Variants in MAX observed in about 807,000 individuals in gnomAD.
The protein encoded by MAX is MYC associated transcriptional regulator X.
A neutral mutation model predicts 22.3 loss-of-function variants in MAX; 3 were observed. That is an observed-to-expected ratio of 0.13 (90% CI 0.06 to 0.35). The LOEUF is 0.35. Ranked by LOEUF, MAX falls within the 10% of genes least tolerant of loss-of-function variation. The pLI is 1.00. For synonymous variants in MAX, 72 were observed against 77.7 expected, an observed-to-expected ratio of 0.93 and a Z score of 0.39; for missense variants, 119 against 209.4, an observed-to-expected ratio of 0.57 and a Z score of 2.66.
intron 2 of MAX, among the ~76,000 whole-genome samples, chr14:65,098,707 A>G (rs1243012026): frequency 2.6e-5 from 4 of 152,234 alleles, no homozygotes; most frequent in Admixed American, 2.0e-4. Flanking sequence ...GATGTACTGA[A>G]TTTAGTAGTA....
intron 3 of MAX, among the ~76,000 whole-genome samples, chr14:65,059,405 C>G (rs940439970): frequency 6.6e-6 from 1 of 151,874 alleles, no homozygotes; most frequent in African/African-American, 2.4e-5. Flanking sequence ...TTTGATACTA[C>G]TTGCCTGAGA....
chr14:65,057,285 C>T (rs1223390606), intron 3 of MAX, among the ~76,000 whole-genome samples: 4 of 151,948 alleles, frequency 2.6e-5, no homozygotes, highest in African/African-American at 9.7e-5. Context: ...GATTTTAGGC[C>T]AGATATGGTG....
intron 2 of MAX, among the ~76,000 whole-genome samples, chr14:65,095,059 C>CA (rs1286532768): frequency 6.6e-6 from 1 of 152,164 alleles, no homozygotes; most frequent in African/African-American, 2.4e-5. Context: ...GATGTACAGA[C>CA]AAAAATCTAT....
rs1168421721 is a variant in MAX, at chr14:65,029,719, G to A, written c.172-23435C>T. ...GTGTTGAAGTGTAGATGGCCTGGTGGGCAGGGGAGCAGTGGAGCTGGAGGG... is the reference window on the plus strand; with the variant it reads ...GTGTTGAAGTGTAGATGGCCTGGTGAGCAGGGGAGCAGTGGAGCTGGAGGG... On this transcript the variant is annotated intron_variant, in intron 3 of 3. Coordinates refer to the MAX transcript ENST00000341653. The surrounding 1 kb of genome is among the most constrained non-coding windows in gnomAD (Gnocchi z 4.7). Among the ~76,000 whole-genome samples, 2 of 150,914 alleles carry A rather than the reference G, an allele frequency of 1.3e-5. No homozygotes were observed. Among genetic ancestry groups the A allele is most frequent in the African/African-American group, 4.9e-5 (2 of 40,936 alleles).
Position 65,032,305 on chromosome 14 carries a change from A to T in MAX, c.172-26021T>A. 1 of 251,016 alleles carries T rather than the reference A, an allele frequency of 4.0e-6. No homozygotes were observed. Among genetic ancestry groups the T allele is most frequent in the Non-Finnish European group, 7.6e-6 (1 of 131,686 alleles). The allele number at this position is 251,016 out of a possible 1,614,324, so 15.5% of individuals were successfully genotyped here. ...AACCATTATAGGTCTTTGAAAGAAG[A>T]GCTGAATCCACTTTTGACATGAATT... On this transcript the variant is annotated intron_variant, in intron 3 of 3. Coordinates refer to the MAX transcript ENST00000341653. This position sits in a 1 kb window ranked among gnomAD's most constrained non-coding sequence, Gnocchi z 5.0.
chr14:65,054,349 C>T lies in MAX; in HGVS notation c.171+39359G>A, dbSNP rs945432018. On this transcript the variant is annotated intron_variant, in intron 3 of 3. Transcript: ENST00000341653. The surrounding 1 kb of genome is among the most constrained non-coding windows in gnomAD (Gnocchi z 4.4). Reference sequence around the variant, plus strand: ...TGGTTTTGAACTCCTGGCCTCAAACCGTTCTCTTGCCTCAGCCTCCTGCTT... The same window carrying T: ...TGGTTTTGAACTCCTGGCCTCAAACTGTTCTCTTGCCTCAGCCTCCTGCTT... Among the ~76,000 whole-genome samples, 1 of 151,760 alleles carries T rather than the reference C, an allele frequency of 6.6e-6. No homozygotes were observed. Among genetic ancestry groups the T allele is most frequent in the African/African-American group, 2.4e-5 (1 of 41,318 alleles).
chr14:65,025,340 T>G (rs2061960418), intron 3 of MAX, among the ~76,000 whole-genome samples: 2 of 152,260 alleles, frequency 1.3e-5, no homozygotes. Flanking sequence ...AATGTGCTGT[T>G]AAGTTTTGTA....
Position 65,064,226 on chromosome 14 carries a change from G to T in MAX, c.171+29482C>A, listed in dbSNP as rs138548259. Among the ~76,000 whole-genome samples, 445 of 152,302 alleles carry T rather than the reference G, an allele frequency of 2.9e-3. 1 individual carries two copies. Among genetic ancestry groups the T allele is most frequent in the African/African-American group, 9.7e-3 (405 of 41,586 alleles). On this transcript the variant is annotated intron_variant, in intron 3 of 3. Transcript: ENST00000341653. The stretch of plus-strand genomic sequence containing the variant: ...TAATATTAGTGTCAAGTGACAAATA[G>T]TAAGGATTGGACCAAGCATTCTAGT...
intron 3 of MAX, among the ~76,000 whole-genome samples, chr14:65,036,390 C>A (rs1430048415): frequency 1.3e-5 from 2 of 151,528 alleles, no homozygotes; most frequent in Non-Finnish European, 2.9e-5. Context: ...GTGTATGCCA[C>A]CACACCTGGC....
At position 65,044,168 on chromosome 14, in the gene MAX, A is replaced by G; in HGVS notation, c.172-37884T>C. On this transcript the variant is annotated intron_variant, in intron 3 of 3. Transcript: ENST00000341653. The surrounding 1 kb of genome is among the most constrained non-coding windows in gnomAD (Gnocchi z 5.5). ...TGGCAGTGTGGGGAGGGAAGGAAAG[A>G]AAACCAGAGCACCAAAACTAGAGTG... 1 of 1,449,752 alleles carries G rather than the reference A, an allele frequency of 6.9e-7. No homozygotes were observed. Among genetic ancestry groups the G allele is most frequent in the East Asian group, 2.3e-5 (1 of 43,638 alleles). 89.8% of individuals were successfully genotyped at this position (1,449,752 alleles called of 1,614,324 possible). A position where few individuals can be genotyped will look rare whatever the true frequency, so the allele number is the denominator to read the frequency against.
At chr14:65,072,169 TGA>T (rs2062994268), downstream of MAX, among the ~76,000 whole-genome samples, 2 of 152,218 alleles carry the variant, frequency 1.3e-5, no homozygotes, top group Non-Finnish European at 2.9e-5. Context: ...TGACCAGGCC[TGA>T]GAGAGACCCT....
chr14:65,078,623 A>G lies in MAX; in HGVS notation c.172-587T>C, dbSNP rs1237416672. 4.0e-5 allele frequency among the ~76,000 whole-genome samples: 6 copies of G among 148,782 alleles called. No homozygotes were observed. The highest frequency in any genetic ancestry group is 1.5e-4 in the African/African-American group (6 of 40,372). The stretch of plus-strand genomic sequence containing the variant: ...CAGCTCACTGCAACCTCCACCTCCC[A>G]GGTTCAAGTGATTCTTCTGCCTCAG... On this transcript the variant is annotated intron_variant, in intron 3 of 4. Transcript: ENST00000358664. This position sits in a 1 kb window ranked among gnomAD's most constrained non-coding sequence, Gnocchi z 6.4.
In MAX at chr14:65,044,502, T is replaced by G; in HGVS notation, c.172-38218A>C. The G allele has an allele frequency of 6.4e-7, 1 of 1,558,996 alleles. No individual in the cohort carries two copies. ...TGATTTCCCTCCACTACTCACAAAG[T>G]CTGGAAGCCCAGCGTGCTTTTTTAG... On this transcript the variant is annotated intron_variant, in intron 3 of 3. Coordinates refer to the MAX transcript ENST00000341653. This position sits in a 1 kb window ranked among gnomAD's most constrained non-coding sequence, Gnocchi z 5.5.
At position 65,031,522 on chromosome 14, in the gene MAX, T is replaced by C. The variant is rs1004622124; in HGVS notation, c.172-25238A>G. ...TAGTGGAGACGGGGTTTCGCAATAT[T>C]GGTCAGGTTGGTCTTGAACTCCTGG... On this transcript the variant is annotated intron_variant, in intron 3 of 3. Transcript: ENST00000341653. The surrounding 1 kb of genome is among the most constrained non-coding windows in gnomAD (Gnocchi z 4.6). Among the ~76,000 whole-genome samples the C allele has an allele frequency of 5.3e-5, 8 of 151,756 alleles. No individual in the cohort carries two copies. Among genetic ancestry groups the C allele is most frequent in the African/African-American group, 1.9e-4 (8 of 41,336 alleles).
intron 3 of MAX, among the ~76,000 whole-genome samples, chr14:65,049,844 C>T (rs962334574): frequency 5.9e-5 from 9 of 151,998 alleles, no homozygotes; most frequent in African/African-American, 2.2e-4. Flanking sequence ...TATTCAGTTG[C>T]GAACCATCAT....
chr14:65,043,182 G>C (rs1256326488), intron 3 of MAX, among the ~76,000 whole-genome samples: 1 of 152,178 alleles, frequency 6.6e-6, no homozygotes, highest in African/African-American at 2.4e-5. Context: ...TCTAGGGAGG[G>C]AAATGGAAAT....
At chr14:65,101,696 C>A (rs969910344) in intron 1 of MAX, 124 bp from the exon 2 acceptor site, 36 of 738,386 alleles carry the variant, frequency 4.9e-5, no homozygotes, top group Non-Finnish European at 7.3e-5. Context: ...GCCCGACACC[C>A]CTTCCTCCCT....
intron 3 of MAX, among the ~76,000 whole-genome samples, chr14:65,050,428 T>C (rs915041496): frequency 1.3e-5 from 2 of 152,122 alleles, no homozygotes; most frequent in African/African-American, 4.8e-5. Flanking sequence ...CTGTCTCTAC[T>C]AAAAATGCAA....
At chr14:65,056,015 A>C (rs1051923985) in intron 3 of MAX, among the ~76,000 whole-genome samples, 1 of 152,196 alleles carries the variant, frequency 6.6e-6, no homozygotes, top group Non-Finnish European at 1.5e-5. Flanking sequence ...CTCCAGAGGT[A>C]ACCCTGTCCC....
Sources: allele counts gnomAD v4.1 joint callset (sites outside exome capture counted in the v4.1 genomes callset), GRCh38; gene constraint gnomAD v4.1.1; non-coding constraint Gnocchi (gnomAD v3.1); transcripts MANE v1.5; gene names NCBI Gene and HGNC (gene_info 2026-07-23, HGNC 2026-07-21).